Variants in SLC24A3 observed in about 807,000 individuals in gnomAD.
The protein encoded by SLC24A3 is sodium/potassium/calcium exchanger 3.
SLC24A3 carries 28 observed loss-of-function variants against 75.8 expected under a neutral mutation model. That is an observed-to-expected ratio of 0.37 (90% CI 0.27 to 0.51). SLC24A3 has a LOEUF of 0.51. Among genes scored for constraint, SLC24A3 ranks in the 20% least tolerant of loss-of-function variants. SLC24A3 has a pLI of 0.94. For synonymous variants in SLC24A3, 372 were observed against 334.1 expected, an observed-to-expected ratio of 1.11 and a Z score of -1.24; for missense variants, 663 against 847.8, an observed-to-expected ratio of 0.78 and a Z score of 2.71.
At chr20:19,518,671 A>G (rs1182596502) in intron 3 of SLC24A3, among the ~76,000 whole-genome samples, 3 of 152,182 alleles carry the variant, frequency 2.0e-5, no homozygotes, top group Non-Finnish European at 4.4e-5. Flanking sequence ...CTCACATGGG[A>G]GGCACCACAG....
At chr20:19,711,523 AACAC>A (rs537125265) in intron 15 of SLC24A3, among the ~76,000 whole-genome samples, 119 of 146,320 alleles carry the variant, frequency 8.1e-4, no homozygotes, top group African/African-American at 1.4e-3. Flanking sequence ...CATGCAGGCA[AACAC>A]ACACATGCAT....
chr20:19,233,198 G>T (rs1982071860), intron 1 of SLC24A3, among the ~76,000 whole-genome samples: 1 of 152,236 alleles, frequency 6.6e-6, no homozygotes, highest in Non-Finnish European at 1.5e-5. Flanking sequence ...AGTCCGGGGT[G>T]GGGAGGGTCT....
At chr20:19,261,061 C>T (rs1419729570) in intron 1 of SLC24A3, among the ~76,000 whole-genome samples, 1 of 152,214 alleles carries the variant, frequency 6.6e-6, no homozygotes, top group African/African-American at 2.4e-5. Context: ...TCAACCCTTG[C>T]TTCAAGCTGC....
chr20:19,587,243 C>A (rs903574224), intron 6 of SLC24A3, among the ~76,000 whole-genome samples: 1 of 152,204 alleles, frequency 6.6e-6, no homozygotes, highest in Non-Finnish European at 1.5e-5. Context: ...AGAAATGAAA[C>A]AAATGACTGG....
rs8184693 is a variant in SLC24A3 at position 19,460,680 on chromosome 20, G to A, written c.272-54808G>A. ...GTTTTATTTGGACGTGTTTCCCTCC[G>A]GGGTGTTTATGGTGGATAATCATGT... On this transcript the variant is annotated intron_variant, in intron 2 of 16. Transcript: ENST00000328041. Among the ~76,000 whole-genome samples, 3,202 of 152,138 alleles carry A rather than the reference G, an allele frequency of 0.021. 303 individuals carry two copies. In the East Asian group the frequency reaches 0.32, roughly 15 times the overall value.
intron 1 of SLC24A3, among the ~76,000 whole-genome samples, chr20:19,267,722 T>G (rs1983208753): frequency 6.6e-6 from 1 of 152,210 alleles, no homozygotes. Context: ...ATATTTATTT[T>G]CAAAATGCTC....
chr20:19,647,510 G>A (rs763973503), intron 6 of SLC24A3, among the ~76,000 whole-genome samples: 1 of 152,174 alleles, frequency 6.6e-6, no homozygotes, highest in Non-Finnish European at 1.5e-5. Context: ...ACCCAGAGTG[G>A]GCGAAGGGAG....
intron 2 of SLC24A3, among the ~76,000 whole-genome samples, chr20:19,494,011 C>T (rs756322415): frequency 6.6e-6 from 1 of 152,208 alleles, no homozygotes; most frequent in Non-Finnish European, 1.5e-5. Context: ...ATAGCTCATG[C>T]TCCTTCCGGG....
At chr20:19,466,232 C>G (rs1163863952) in intron 2 of SLC24A3, among the ~76,000 whole-genome samples, 1 of 151,816 alleles carries the variant, frequency 6.6e-6, no homozygotes, top group East Asian at 1.9e-4. Context: ...CAGGTTGATT[C>G]CTCCCATACC....
At chr20:19,351,239 G>C (rs190484569) in intron 2 of SLC24A3, among the ~76,000 whole-genome samples, 62 of 152,262 alleles carry the variant, frequency 4.1e-4, no homozygotes, top group African/African-American at 1.5e-3. Context: ...TCAGGTTGTT[G>C]GATTTCCTCA....
intron 3 of SLC24A3, among the ~76,000 whole-genome samples, chr20:19,534,812 G>C (rs1042250188): frequency 6.6e-6 from 1 of 152,162 alleles, no homozygotes; most frequent in African/African-American, 2.4e-5. Context: ...GGAAACCAAG[G>C]CTTATTTGTA....
intron 2 of SLC24A3, among the ~76,000 whole-genome samples, chr20:19,387,103 T>C (rs1986285270): frequency 6.6e-6 from 1 of 152,202 alleles, no homozygotes; most frequent in Non-Finnish European, 1.5e-5. Flanking sequence ...ATTTATCCAT[T>C]TATTCTAGGT....
chr20:19,471,460 G>A (rs1987868677), intron 2 of SLC24A3, among the ~76,000 whole-genome samples: 1 of 152,218 alleles, frequency 6.6e-6, no homozygotes, highest in Non-Finnish European at 1.5e-5. Flanking sequence ...TGCCGTCTCT[G>A]TGAATGTTTC....
chr20:19,605,904 T>A (rs1433979984), intron 6 of SLC24A3, among the ~76,000 whole-genome samples: 1 of 152,182 alleles, frequency 6.6e-6, no homozygotes, highest in Non-Finnish European at 1.5e-5. Context: ...TCCTCTCTGC[T>A]CTGAATGACT....
At chr20:19,531,779 C>T (rs887550213) in intron 3 of SLC24A3, among the ~76,000 whole-genome samples, 14 of 152,154 alleles carry the variant, frequency 9.2e-5, no homozygotes, top group Admixed American at 2.0e-4. Flanking sequence ...AACTGGGAAA[C>T]GTTAGACCAC....
At chr20:19,524,402 C>A (rs1170585862) in intron 3 of SLC24A3, among the ~76,000 whole-genome samples, 3 of 152,180 alleles carry the variant, frequency 2.0e-5, no homozygotes, top group African/African-American at 7.2e-5. Context: ...TGGTTAATGT[C>A]TTGAGGCTGG....
chr20:19,328,312 T>C (rs1162751462), intron 2 of SLC24A3, among the ~76,000 whole-genome samples: 1 of 152,068 alleles, frequency 6.6e-6, no homozygotes, highest in Admixed American at 6.6e-5. Flanking sequence ...GCATTCACTG[T>C]GGAGTGGAGA....
intron 2 of SLC24A3, among the ~76,000 whole-genome samples, chr20:19,299,481 C>G (rs553523809): frequency 6.6e-6 from 1 of 152,226 alleles, no homozygotes; most frequent in Admixed American, 6.5e-5. Flanking sequence ...CAAAACAGGT[C>G]AAATTTTTTT....
intron 2 of SLC24A3, among the ~76,000 whole-genome samples, chr20:19,423,509 G>A (rs922222642): frequency 2.0e-5 from 3 of 152,186 alleles, no homozygotes; most frequent in Admixed American, 6.5e-5. Context: ...TTTTAATGGG[G>A]CTAAGCAGCA....
Sources: gnomAD v4.1 joint callset for allele counts (sites outside exome capture counted in the v4.1 genomes callset) on GRCh38, gnomAD v4.1.1 for gene constraint, MANE v1.5 for transcripts, NCBI Gene and HGNC (gene_info 2026-07-23, HGNC 2026-07-21) for gene names.